The following MYRIP variants were observed in gnomAD, a reference collection of about 807,000 sequenced individuals.
MYRIP encodes myosin VIIA and Rab interacting protein.
MYRIP carries 49 observed loss-of-function variants against 98.0 expected under a neutral mutation model. The ratio of observed to expected loss-of-function variants is 0.50; its 90% CI spans 0.40 to 0.63. The LOEUF (loss-of-function observed/expected upper bound fraction) is 0.63. Ranked by LOEUF, MYRIP falls within the 30% of genes least tolerant of loss-of-function variation. The pLI, the probability that MYRIP is intolerant of heterozygous loss-of-function variation, is 0.00. For missense variants in MYRIP, 1,004 were observed against 1,058.2 expected (o/e 0.95, Z 0.71); for synonymous variants, 404 against 409.5 (o/e 0.99, Z 0.16).
At chr3:39,921,381 A>G (rs777566740) in intron 2 of MYRIP, among the ~76,000 whole-genome samples, 8 of 152,014 alleles carry the variant, frequency 5.3e-5, no homozygotes, top group African/African-American at 1.9e-4. Context: ...AGTGACAGGA[A>G]CTCTACTCCA....
chr3:40,178,059 G>A (rs1041294347), intron 8 of MYRIP, among the ~76,000 whole-genome samples: 2 of 152,204 alleles, frequency 1.3e-5, no homozygotes, highest in Non-Finnish European at 1.5e-5. Flanking sequence ...TCTCAGTTAC[G>A]TATACATATG....
At chr3:40,251,765 G>A in intron 15 of MYRIP, 116 bp from the exon 16 acceptor site, 2 of 699,732 alleles carry the variant, frequency 2.9e-6, no homozygotes, top group Non-Finnish European at 5.1e-6. Context: ...CACAGTACAG[G>A]AATGAGATTC....
intron 2 of MYRIP, among the ~76,000 whole-genome samples, chr3:39,905,871 C>A (rs1022629771): frequency 6.6e-6 from 1 of 151,794 alleles, no homozygotes; most frequent in East Asian, 1.9e-4. Context: ...GTTTTTATTT[C>A]TTTGCTATTA....
chr3:39,943,248 C>G (rs923662470), intron 2 of MYRIP, among the ~76,000 whole-genome samples: 1 of 152,170 alleles, frequency 6.6e-6, no homozygotes, highest in Non-Finnish European at 1.5e-5. Context: ...ACAACACTCT[C>G]TTTTCTGTAT....
chr3:40,098,734 C>G (rs2125889516), intron 3 of MYRIP, among the ~76,000 whole-genome samples: 1 of 86,746 alleles, frequency 1.2e-5, no homozygotes, highest in East Asian at 3.2e-4. Flanking sequence ...CTCTCTGTCT[C>G]TCTCATTGTG....
intron 1 of MYRIP, among the ~76,000 whole-genome samples, chr3:39,855,817 C>T (rs1339410434): frequency 6.6e-6 from 1 of 152,156 alleles, no homozygotes; most frequent in Non-Finnish European, 1.5e-5. Context: ...CTTGTGTCTG[C>T]AGCAGCTCCC....
At chr3:40,111,211 A>G (rs1553614823) in intron 3 of MYRIP, among the ~76,000 whole-genome samples, 1 of 152,150 alleles carries the variant, frequency 6.6e-6, no homozygotes, top group Non-Finnish European at 1.5e-5. Flanking sequence ...CAAGAAGGGA[A>G]GGAGGAAGTT....
intron 2 of MYRIP, among the ~76,000 whole-genome samples, chr3:39,981,603 G>T (rs1354163055): frequency 6.6e-6 from 1 of 152,090 alleles, no homozygotes; most frequent in Non-Finnish European, 1.5e-5. Context: ...CATGTTGTTG[G>T]GGTCTTGCTG....
intron 11 of MYRIP, among the ~76,000 whole-genome samples, chr3:40,214,169 C>T (rs1001994805): frequency 4.6e-5 from 7 of 152,160 alleles, no homozygotes; most frequent in South Asian, 2.1e-4. Context: ...ATCCATAAAT[C>T]GCAAATACTT....
intron 10 of MYRIP, among the ~76,000 whole-genome samples, chr3:40,194,220 G>C (rs1951324384): frequency 6.6e-6 from 1 of 151,884 alleles, no homozygotes. Context: ...TAGCCCCTTA[G>C]ACCGTCTGTA....
chr3:39,854,530 T>A (rs1942226737), intron 1 of MYRIP, among the ~76,000 whole-genome samples: 1 of 152,154 alleles, frequency 6.6e-6, no homozygotes. Context: ...CTGGAGCATT[T>A]TTCATCCATA....
intron 1 of MYRIP, among the ~76,000 whole-genome samples, chr3:39,846,253 C>T (rs1421717027): frequency 6.6e-6 from 1 of 152,160 alleles, no homozygotes; most frequent in Non-Finnish European, 1.5e-5. Context: ...TGCCTTGGTA[C>T]CATCAGGGCC....
chr3:39,914,582 T>C (rs1338261884), intron 2 of MYRIP, among the ~76,000 whole-genome samples: 1 of 152,086 alleles, frequency 6.6e-6, no homozygotes, highest in East Asian at 1.9e-4. Flanking sequence ...TAACTTCTAA[T>C]ATCAGTGACC....
At chr3:39,821,495 T>C (rs1201264572) in intron 1 of MYRIP, among the ~76,000 whole-genome samples, 1 of 151,968 alleles carries the variant, frequency 6.6e-6, no homozygotes, top group Non-Finnish European at 1.5e-5. Context: ...ATTATTTCTT[T>C]CCTATTTCTT....
intron 3 of MYRIP, among the ~76,000 whole-genome samples, chr3:40,063,711 A>G (rs904802571): frequency 5.9e-5 from 9 of 152,182 alleles, no homozygotes; most frequent in African/African-American, 1.9e-4. Context: ...TCTCCTTGAA[A>G]TTTCTTTTAT....
chr3:39,917,122 T>C (rs996219738), intron 2 of MYRIP, among the ~76,000 whole-genome samples: 1 of 152,152 alleles, frequency 6.6e-6, no homozygotes. Flanking sequence ...CTATATTTTA[T>C]CCTGTTTTTG....
intron 2 of MYRIP, among the ~76,000 whole-genome samples, chr3:39,912,533 A>C (rs1944046349): frequency 6.6e-6 from 1 of 152,218 alleles, no homozygotes. Flanking sequence ...TTAAAACCAG[A>C]AACTTTAGAA....
intron 9 of MYRIP, among the ~76,000 whole-genome samples, 170 bp from the exon 10 acceptor site, chr3:40,189,656 G>A (rs1242340931): frequency 1.3e-5 from 2 of 152,186 alleles, no homozygotes; most frequent in Admixed American, 6.5e-5. Context: ...GATTCCTTGG[G>A]GAACTTTGAA....
chr3:39,998,385 A>G (rs1045568562), intron 2 of MYRIP, among the ~76,000 whole-genome samples: 4 of 152,212 alleles, frequency 2.6e-5, no homozygotes, highest in Admixed American at 6.5e-5. Context: ...TTATACACCA[A>G]TAGCAGACAA....
Sources: allele counts gnomAD v4.1 joint callset (sites outside exome capture counted in the v4.1 genomes callset), GRCh38; gene constraint gnomAD v4.1.1; transcripts MANE v1.5; gene names NCBI Gene and HGNC (gene_info 2026-07-23, HGNC 2026-07-21).